CFAP57: variants seen among roughly 807,000 people sequenced by gnomAD.
CFAP57 encodes cilia- and flagella-associated protein 57.
In CFAP57, 116 loss-of-function variants were observed where a neutral mutation model predicts 146.8. The ratio of observed to expected loss-of-function variants is 0.79; its 90% confidence interval spans 0.68 to 0.92. The LOEUF (loss-of-function observed/expected upper bound fraction) is 0.92, where lower values mean the gene tolerates loss of function less well. Among genes scored for constraint, CFAP57 ranks in the 40% least tolerant of loss-of-function variants. The pLI, the probability that CFAP57 is intolerant of heterozygous loss-of-function variation, is 0.00. For synonymous variants in CFAP57, 518 were observed against 552.8 expected (o/e 0.94, Z 0.88); for missense variants, 1,377 against 1,527.2 (o/e 0.90, Z 1.64).
chr1:43,206,172 G>C lies in CFAP57; in HGVS notation c.1543-548G>C, dbSNP rs1471050305. The stretch of plus-strand genomic sequence containing the variant: ...GACAGGGTTTCACTATGTTACCCAG[G>C]CTATTCTCAAACTGCTGGGCTCAAG... On this transcript the variant is annotated intron_variant, in intron 9 of 22. Transcript: ENST00000372492. Among the ~76,000 whole-genome samples, 3 of 151,966 alleles carry C rather than the reference G, an allele frequency of 2.0e-5. No individual in the cohort carries two copies. In the East Asian group the frequency reaches 5.8e-4, roughly 29 times the overall value.
chr1:43,225,559 C>T (rs1444180680), intron 17 of CFAP57, among the ~76,000 whole-genome samples: 2 of 152,196 alleles, frequency 1.3e-5, no homozygotes, highest in Non-Finnish European at 2.9e-5. Context: ...ACATGAAGAC[C>T]CTCACCTCCC....
chr1:43,202,973 A>G (rs1644197246), intron 9 of CFAP57, among the ~76,000 whole-genome samples: 1 of 152,072 alleles, frequency 6.6e-6, no homozygotes, highest in African/African-American at 2.4e-5. Flanking sequence ...GGAGATGGAG[A>G]TCATCCTGGA....
intron 21 of CFAP57, among the ~76,000 whole-genome samples, chr1:43,241,182 C>T (rs1557831040): frequency 6.6e-6 from 1 of 152,150 alleles, no homozygotes; most frequent in African/African-American, 2.4e-5. Context: ...ACGAATAGAA[C>T]AAGCACTCAT....
Position 43,216,058 on chromosome 1 carries a change from C to T in CFAP57, c.2091+642C>T, listed in dbSNP as rs186742832. ...GATATGAGTGCATAGCTCTGTGTTA[C>T]GCTTCCTAAGGGAGAAGCTGAATGG... On this transcript the variant is annotated intron_variant, in intron 12 of 22. Coordinates refer to ENST00000372492, the MANE Select transcript of CFAP57 (RefSeq NM_001378189.1). Among the ~76,000 whole-genome samples the T allele has an allele frequency of 3.3e-5, 5 of 152,278 alleles. No homozygotes were observed. The East Asian group carries it at 7.7e-4, about 24-fold the overall frequency.
Position 43,254,156 on chromosome 1 carries a change from A to G in CFAP57, c.3718A>G (p.Asn1240Asp), listed in dbSNP as rs1270380033. ...LAGVRLPSLS[N>D]SEVDLEVKTN ...TGGAGTTCGGCTTCCTTCCCTCTCC[A>G]ACTCCGAGGTAGACTTAGAGGTGAA... Residue 1240 changes from asparagine (N) to aspartate (D), a missense_variant, in exon 23 of 23, where the codon AAC (asparagine) becomes GAC (aspartate). Physicochemically the swap from Asn to Asp is conservative, Grantham distance 23. Transcript: ENST00000372492. 7 of 1,550,436 alleles carry G rather than the reference A, an allele frequency of 4.5e-6. No homozygotes were observed.
intron 10 of CFAP57, among the ~76,000 whole-genome samples, chr1:43,208,274 A>G (rs997155978): frequency 1.3e-5 from 2 of 152,214 alleles, no homozygotes; most frequent in African/African-American, 2.4e-5. Context: ...TAGAAATACC[A>G]TTTGACCCAG....
chr1:43,196,770 T>G (rs1314730823), intron 6 of CFAP57, among the ~76,000 whole-genome samples: 1 of 152,200 alleles, frequency 6.6e-6, no homozygotes, highest in East Asian at 1.9e-4. Flanking sequence ...TTGCTACTGG[T>G]GATAATTAGT....
chr1:43,183,127 A>G (rs1645486641), intron 3 of CFAP57, among the ~76,000 whole-genome samples: 1 of 152,230 alleles, frequency 6.6e-6, no homozygotes, highest in Admixed American at 6.5e-5. Flanking sequence ...TGGGTTTATC[A>G]GGACATGATC....
At chr1:43,179,906 G>A (rs1645320363) in intron 2 of CFAP57, among the ~76,000 whole-genome samples, 1 of 151,932 alleles carries the variant, frequency 6.6e-6, no homozygotes, top group South Asian at 2.1e-4. Flanking sequence ...ATTAAAAAAT[G>A]TTTAAAAATA....
At chr1:43,232,166 T>A (rs1475490202) in intron 18 of CFAP57, 1 of 683,424 alleles carries the variant, frequency 1.5e-6, no homozygotes, top group African/African-American at 1.8e-5. Context: ...CTGCCTCAGG[T>A]GAGAGTTGAG....
chr1:43,204,633 T>C (rs1370464172), intron 9 of CFAP57, among the ~76,000 whole-genome samples: 3 of 152,218 alleles, frequency 2.0e-5, no homozygotes, highest in Non-Finnish European at 4.4e-5. Flanking sequence ...TTAGCCTGGC[T>C]ACCTAGGGTT....
At chr1:43,217,373 A>G (rs1644874171) in intron 12 of CFAP57, among the ~76,000 whole-genome samples, 2 of 152,198 alleles carry the variant, frequency 1.3e-5, no homozygotes, top group Admixed American at 6.5e-5. Context: ...CAAACACAGC[A>G]TGTCAAAGGC....
rs114799491 is a variant in CFAP57, at chr1:43,225,871, C to T, written c.2866-1112C>T. 7.7e-3 allele frequency among the ~76,000 whole-genome samples: 1,166 copies of T among 152,334 alleles called. 11 individuals carry two copies. Among genetic ancestry groups the T allele is most frequent in the Non-Finnish European group, 8.9e-3 (608 of 68,030 alleles). On this transcript the variant is annotated intron_variant, in intron 17 of 22. Coordinates refer to ENST00000372492, the MANE Select transcript of CFAP57 (RefSeq NM_001378189.1). ...TTACTATCACCGTGCAACAAATTAA[C>T]CTTAAAACTTACTGATTGAGGCCAG...
intron 14 of CFAP57, 37 bp from the exon 15 acceptor site, chr1:43,222,068 C>A: frequency 6.6e-7 from 1 of 1,510,240 alleles, no homozygotes; most frequent in South Asian, 1.3e-5. Context: ...GCAAGTGCTG[C>A]TCTCCCACCT....
intron 2 of CFAP57, among the ~76,000 whole-genome samples, chr1:43,173,287 A>T (rs1645048010): frequency 6.6e-6 from 1 of 152,208 alleles, no homozygotes; most frequent in African/African-American, 2.4e-5. Context: ...TCCAAGTATG[A>T]TGAAGACACT....
chr1:43,218,379 T>C (rs1644916623), intron 12 of CFAP57, among the ~76,000 whole-genome samples: 1 of 152,094 alleles, frequency 6.6e-6, no homozygotes, highest in Non-Finnish European at 1.5e-5. Flanking sequence ...GCAGGAGGAC[T>C]GCTTGAGCCC....
chr1:43,236,160 T>C (rs1645680140), intron 21 of CFAP57, among the ~76,000 whole-genome samples: 1 of 151,950 alleles, frequency 6.6e-6, no homozygotes, highest in Non-Finnish European at 1.5e-5. Context: ...GAAGAACATT[T>C]TCTCCAGCAG....
intron 22 of CFAP57, among the ~76,000 whole-genome samples, chr1:43,251,391 G>A (rs1646321819): frequency 6.6e-6 from 1 of 152,170 alleles, no homozygotes; most frequent in South Asian, 2.1e-4. Flanking sequence ...AGGGGCCAAG[G>A]GCCACCCGGT....
Position 43,206,939 on chromosome 1 carries a change from C to T in CFAP57, c.1755+7C>T, listed in dbSNP as rs773360397. Reference sequence around the variant, plus strand: ...GGAGATTGCAGATTCCTTGGTGAGTCTGCCCCTGCCCCGCCTCTGGGCTGG... The same window carrying T: ...GGAGATTGCAGATTCCTTGGTGAGTTTGCCCCTGCCCCGCCTCTGGGCTGG... On this transcript the variant is annotated splice_region_variant and intron_variant, in intron 10 of 22. Transcript: ENST00000372492. The T allele has an allele frequency of 8.2e-6, 13 of 1,579,946 alleles. No individual in the cohort carries two copies. In the East Asian group the frequency reaches 1.4e-4, roughly 17 times the overall value.
Sources: gnomAD v4.1 joint callset for allele counts (sites outside exome capture counted in the v4.1 genomes callset) on GRCh38, gnomAD v4.1.1 for gene constraint, MANE v1.5 for transcripts, NCBI Gene and HGNC (gene_info 2026-07-23, HGNC 2026-07-21) for gene names.